Variants in SOX5 observed in about 807,000 individuals in gnomAD.
SOX5 encodes SRY-box transcription factor 5.
A neutral mutation model predicts 92.0 loss-of-function variants in SOX5; 9 were observed. That is an observed-to-expected ratio of 0.10 (90% CI 0.06 to 0.17). SOX5 has a LOEUF of 0.17. Ranked by LOEUF, SOX5 falls within the 10% of genes least tolerant of loss-of-function variation. The pLI, the probability that SOX5 is intolerant of heterozygous loss-of-function variation, is 1.00. For missense variants in SOX5, 642 were observed against 944.5 expected (o/e 0.68, Z 4.20); for synonymous variants, 344 against 336.3 (o/e 1.02, Z -0.25).
At chr12:24,171,221 GT>G (rs71059986) in intron 4 of SOX5, among the ~76,000 whole-genome samples, 14,532 of 46,120 alleles carry the variant, frequency 0.32, 2,397 homozygotes, top group East Asian at 0.59. Context: ...TTTTTTGTTT[GT>G]TTGTTTGTTT....
intron 4 of SOX5, among the ~76,000 whole-genome samples, chr12:24,049,406 T>C (rs1296621259): frequency 6.6e-6 from 1 of 152,208 alleles, no homozygotes; most frequent in East Asian, 1.9e-4. Context: ...GAGAGTTGTG[T>C]AGACAGCCAC....
At chr12:24,061,744 GA>G (rs59840985) in intron 4 of SOX5, among the ~76,000 whole-genome samples, 232 of 81,088 alleles carry the variant, frequency 2.9e-3, no homozygotes, top group Middle Eastern at 6.0e-3. Flanking sequence ...CAATATGACA[GA>G]AAAAAAAAAA....
At chr12:24,296,666 A>G (rs1228318994) in intron 2 of SOX5, among the ~76,000 whole-genome samples, 1 of 152,188 alleles carries the variant, frequency 6.6e-6, no homozygotes, top group Admixed American at 6.5e-5. Flanking sequence ...TTCTGACAGT[A>G]GCAATCATGT....
intron 9 of SOX5, among the ~76,000 whole-genome samples, chr12:23,589,520 C>A (rs1951216569): frequency 6.6e-6 from 1 of 151,816 alleles, no homozygotes; most frequent in African/African-American, 2.4e-5. Context: ...ATCTAAAAAA[C>A]CCAATTTCAC....
intron 4 of SOX5, among the ~76,000 whole-genome samples, chr12:24,044,574 T>C (rs578006977): frequency 3.3e-5 from 5 of 152,230 alleles, no homozygotes; most frequent in Non-Finnish European, 7.3e-5. Flanking sequence ...CTCCACATGA[T>C]ACTCCTAAAT....
rs566023597 is a variant in SOX5, at chr12:24,141,027, C to T, written c.-2+72316G>A. On this transcript the variant is annotated intron_variant, in intron 4 of 4. Coordinates refer to the SOX5 transcript ENST00000446891. ...ACTTCTAAGAAAAGGACAGAGCATA[C>T]GCAGTAGGTATTTCTGGGTCAGAAA... is the stretch of plus-strand genomic sequence containing the variant. Among the ~76,000 whole-genome samples the T allele has an allele frequency of 1.4e-3, 203 of 147,068 alleles. 1 individual carries two copies. Among genetic ancestry groups the T allele is most frequent in the African/African-American group, 4.5e-3 (181 of 39,980 alleles).
rs1478348230 is a variant in SOX5 at position 24,393,620 on chromosome 12, T to G, written c.-250-24981A>C. 6.6e-6 allele frequency among the ~76,000 whole-genome samples: 1 copy of G among 152,208 alleles called. No homozygotes were observed. The highest frequency in any genetic ancestry group is 1.5e-5 in the Non-Finnish European group (1 of 68,036). On this transcript the variant is annotated intron_variant, in intron 1 of 4. Coordinates refer to the SOX5 transcript ENST00000446891. This position sits in a 1 kb window ranked among gnomAD's most constrained non-coding sequence, Gnocchi z 5.0. ...GCAAAAAATTATGAAATAGATAATC[T>G]TTTATACGGATTACGCTTTAAGACA...
intron 2 of SOX5, among the ~76,000 whole-genome samples, chr12:24,313,164 G>A (rs1949358160): frequency 6.6e-6 from 1 of 152,132 alleles, no homozygotes; most frequent in East Asian, 1.9e-4. Context: ...AAGGGTCCCA[G>A]ATCCTCTAAC....
intron 1 of SOX5, among the ~76,000 whole-genome samples, chr12:23,920,926 C>A (rs897636431): frequency 3.9e-5 from 6 of 152,076 alleles, no homozygotes; most frequent in Non-Finnish European, 8.8e-5. Flanking sequence ...TAATGGATAA[C>A]TAGATAAAGC....
intron 4 of SOX5, among the ~76,000 whole-genome samples, chr12:24,171,138 A>ATAT: frequency 1.2e-5 from 1 of 85,156 alleles, no homozygotes; most frequent in African/African-American, 5.1e-5. Context: ...CCCAAGATCT[A>ATAT]TTTTTTTTTT....
intron 4 of SOX5, among the ~76,000 whole-genome samples, chr12:24,145,523 A>G (rs184461708): frequency 5.3e-5 from 8 of 152,258 alleles, no homozygotes; most frequent in East Asian, 1.9e-4. Context: ...TTGAGATAGG[A>G]TCTCACTCTA....
intron 1 of SOX5, among the ~76,000 whole-genome samples, chr12:24,417,382 G>T (rs567884125): frequency 5.2e-4 from 79 of 152,276 alleles, no homozygotes; most frequent in African/African-American, 1.8e-3. Context: ...TACTGCACTG[G>T]GCATATAGCA....
intron 9 of SOX5, among the ~76,000 whole-genome samples, chr12:23,591,306 G>A (rs1566101243): frequency 6.6e-6 from 1 of 152,050 alleles, no homozygotes; most frequent in East Asian, 1.9e-4. Flanking sequence ...TTAAGATTTA[G>A]TTATTATAAT....
At chr12:23,980,720 CT>C (rs1338275819) in intron 4 of SOX5, among the ~76,000 whole-genome samples, 2 of 152,096 alleles carry the variant, frequency 1.3e-5, no homozygotes, top group Non-Finnish European at 2.9e-5. Context: ...CCTGCTGTAT[CT>C]TATGTTTGTC....
chr12:23,578,117 CAAAAAAAAAAAAA>C (rs1163938652), intron 9 of SOX5, among the ~76,000 whole-genome samples: 33 of 34,886 alleles, frequency 9.5e-4, no homozygotes, highest in Admixed American at 1.7e-3. Flanking sequence ...GAGACTGTGT[CAAAAAAAAAAAAA>C]AAAAAAAAAA....
At chr12:24,463,473 C>A (rs1943872826) in intron 1 of SOX5, among the ~76,000 whole-genome samples, 1 of 152,088 alleles carries the variant, frequency 6.6e-6, no homozygotes, top group Non-Finnish European at 1.5e-5. Flanking sequence ...TTGGAAATTG[C>A]CATTATAACT....
chr12:23,948,276 GTTGGC>G (rs1451364526), intron 1 of SOX5, among the ~76,000 whole-genome samples: 1 of 151,220 alleles, frequency 6.6e-6, no homozygotes, highest in Non-Finnish European at 1.5e-5. Context: ...AAGTATATGT[GTTGGC>G]TATTTTACTT....
intron 3 of SOX5, among the ~76,000 whole-genome samples, chr12:23,818,874 A>G (rs182989411): frequency 3.1e-4 from 47 of 152,258 alleles, no homozygotes; most frequent in Non-Finnish European, 5.3e-4. Context: ...AGAATCTTCA[A>G]TACCACCATC....
intron 1 of SOX5, among the ~76,000 whole-genome samples, chr12:24,476,389 C>T (rs186019384): frequency 1.1e-4 from 17 of 152,302 alleles, no homozygotes; most frequent in Middle Eastern, 3.4e-3. Flanking sequence ...TTGCAAAGCG[C>T]TCATGTAGAG....
Sources: gnomAD v4.1 joint callset for allele counts (sites outside exome capture counted in the v4.1 genomes callset) on GRCh38, gnomAD v4.1.1 for gene constraint, Gnocchi (gnomAD v3.1) non-coding constraint, MANE v1.5 for transcripts, NCBI Gene and HGNC (gene_info 2026-07-23, HGNC 2026-07-21) for gene names.